The following MAML3 variants were observed in gnomAD, a reference collection of about 807,000 sequenced individuals.
MAML3 encodes mastermind-like protein 3.
In MAML3, 27 loss-of-function variants were observed where a neutral mutation model predicts 101.9. The observed-to-expected ratio is 0.27, with a 90% CI of 0.20 to 0.37. MAML3 has a LOEUF of 0.37. Among genes scored for constraint, MAML3 ranks in the 10% least tolerant of loss-of-function variants. The pLI is 1.00. For missense variants in MAML3, 1,316 were observed against 1,444.9 expected, an observed-to-expected ratio of 0.91 and a Z score of 1.45; for synonymous variants, 501 against 555.9, an observed-to-expected ratio of 0.90 and a Z score of 1.39.
At chr4:140,080,020 C>G (rs188603510) in intron 1 of MAML3, among the ~76,000 whole-genome samples, 2 of 152,170 alleles carry the variant, frequency 1.3e-5, no homozygotes, top group African/African-American at 4.8e-5. Flanking sequence ...GGATTTATTT[C>G]AAATGTATTA....
intron 3 of MAML3, among the ~76,000 whole-genome samples, chr4:139,728,397 A>C (rs903546844): frequency 2.6e-5 from 4 of 152,202 alleles, no homozygotes; most frequent in Non-Finnish European, 5.9e-5. Context: ...AGGCCCCCAC[A>C]TACATGTGTG....
chr4:139,922,161 G>T (rs187543367), intron 1 of MAML3, among the ~76,000 whole-genome samples: 3 of 151,942 alleles, frequency 2.0e-5, no homozygotes, highest in Non-Finnish European at 4.4e-5. Flanking sequence ...TGTCTCCTGC[G>T]TTTGGAAAGA....
chr4:140,122,397 T>C (rs571758473), intron 1 of MAML3, among the ~76,000 whole-genome samples: 116 of 152,062 alleles, frequency 7.6e-4, no homozygotes, highest in African/African-American at 2.6e-3. Flanking sequence ...ACTTTTCATA[T>C]CTTTAATAGA....
intron 2 of MAML3, among the ~76,000 whole-genome samples, chr4:139,851,886 G>T (rs982318618): frequency 1.3e-5 from 2 of 152,162 alleles, no homozygotes; most frequent in Admixed American, 6.5e-5. Flanking sequence ...GAATAGCTGA[G>T]GGATTGCTGA....
chr4:140,134,730 C>A (rs566571863), intron 1 of MAML3, among the ~76,000 whole-genome samples: 32 of 152,310 alleles, frequency 2.1e-4, no homozygotes, highest in Non-Finnish European at 1.5e-4. Context: ...CACCAACCTT[C>A]ATGGGTGTTC....
Position 139,785,745 on chromosome 4 carries a change from T to C in MAML3, c.2080-55078A>G, listed in dbSNP as rs2111084930. 6.6e-6 allele frequency among the ~76,000 whole-genome samples: 1 copy of C among 152,252 alleles called. No homozygotes were observed. The highest frequency in any genetic ancestry group is 2.4e-5 in the African/African-American group (1 of 41,556). ...CTGAGGGTTTTGGGTGGTGGAGCTA[T>C]GCTGTGTTTTAAGAAGAGTCCTTGA... On this transcript the variant is annotated intron_variant, in intron 2 of 4. Coordinates refer to ENST00000509479, the MANE Select transcript of MAML3 (RefSeq NM_018717.5). The surrounding 1 kb of genome is among the most constrained non-coding windows in gnomAD (Gnocchi z 4.3).
At chr4:139,959,801 T>C (rs552796452) in intron 1 of MAML3, among the ~76,000 whole-genome samples, 7 of 152,232 alleles carry the variant, frequency 4.6e-5, no homozygotes, top group Non-Finnish European at 8.8e-5. Context: ...CAAGTATAAA[T>C]ATTCCATTTT....
intron 1 of MAML3, among the ~76,000 whole-genome samples, chr4:140,018,877 G>A (rs1726689495): frequency 6.6e-6 from 1 of 151,810 alleles, no homozygotes; most frequent in Non-Finnish European, 1.5e-5. Context: ...AATTAACACA[G>A]AGCAGTCATA....
chr4:139,735,940 G>A lies in MAML3; in HGVS notation c.2080-5273C>T, dbSNP rs1162805005. Reference sequence around the variant, plus strand: ...GCCGCTCGGGAGCCCGCGAGGCTGCGGTGTGCTCCAGCGGGCGCATTTCCC... The same window carrying A: ...GCCGCTCGGGAGCCCGCGAGGCTGCAGTGTGCTCCAGCGGGCGCATTTCCC... On this transcript the variant is annotated intron_variant, in intron 2 of 4. Coordinates refer to ENST00000509479, the MANE Select transcript of MAML3 (RefSeq NM_018717.5). The surrounding 1 kb of genome is among the most constrained non-coding windows in gnomAD (Gnocchi z 5.8). Among the ~76,000 whole-genome samples the A allele has an allele frequency of 3.3e-5, 5 of 152,132 alleles. No individual in the cohort carries two copies. Among genetic ancestry groups the A allele is most frequent in the Non-Finnish European group, 5.9e-5 (4 of 68,008 alleles).
chr4:139,766,288 C>T (rs1294774571), intron 2 of MAML3, among the ~76,000 whole-genome samples: 1 of 152,140 alleles, frequency 6.6e-6, no homozygotes, highest in Admixed American at 6.5e-5. Context: ...TCTCCTGCCT[C>T]AGCCTCCTGA....
chr4:139,810,685 A>G (rs1057392562), intron 2 of MAML3, among the ~76,000 whole-genome samples: 1 of 152,188 alleles, frequency 6.6e-6, no homozygotes, highest in African/African-American at 2.4e-5. Context: ...ATTCTTCTCT[A>G]CAACTCTATG....
intron 1 of MAML3, among the ~76,000 whole-genome samples, chr4:139,923,494 G>A (rs962461996): frequency 7.9e-5 from 12 of 152,246 alleles, no homozygotes; most frequent in African/African-American, 2.9e-4. Context: ...TCTCAGGCCT[G>A]GAAATATGGA....
At chr4:139,872,369 G>A (rs1288066373) in intron 2 of MAML3, among the ~76,000 whole-genome samples, 1 of 152,166 alleles carries the variant, frequency 6.6e-6, no homozygotes, top group African/African-American at 2.4e-5. Context: ...TATTTGAATG[G>A]GAAATGGAAA....
intron 1 of MAML3, among the ~76,000 whole-genome samples, chr4:140,071,416 T>C (rs1395691229): frequency 6.6e-6 from 1 of 152,150 alleles, no homozygotes; most frequent in Non-Finnish European, 1.5e-5. Context: ...GCTTTTTAAT[T>C]TTACAGCTTT....
intron 1 of MAML3, among the ~76,000 whole-genome samples, chr4:139,934,739 A>T (rs1214776224): frequency 3.9e-5 from 6 of 152,176 alleles, no homozygotes; most frequent in African/African-American, 1.2e-4. Context: ...CTCAACCACT[A>T]AAGTGTTCTT....
chr4:139,853,352 T>C (rs1353416893), intron 2 of MAML3, among the ~76,000 whole-genome samples: 1 of 152,154 alleles, frequency 6.6e-6, no homozygotes, highest in Non-Finnish European at 1.5e-5. Flanking sequence ...ATGTTCCAGG[T>C]AGGGAATAAA....
intron 1 of MAML3, among the ~76,000 whole-genome samples, chr4:140,067,827 A>C (rs1727566883): frequency 6.8e-6 from 1 of 146,274 alleles, no homozygotes; most frequent in Non-Finnish European, 1.5e-5. Flanking sequence ...TCCGCCTTCC[A>C]GGTTCCAGCA....
Position 139,735,968 on chromosome 4 carries a change from G to GC in MAML3, c.2080-5302dup. ...GTGCTCCAGCGGGCGCATTTCCCAG[G>GC]CCCCGCCACATCGTGTGTGTTAGTG... is the stretch of plus-strand genomic sequence containing the variant. On this transcript the variant is annotated intron_variant, in intron 2 of 4. Transcript: ENST00000509479. The surrounding 1 kb of genome is among the most constrained non-coding windows in gnomAD (Gnocchi z 5.8). 6.6e-6 allele frequency among the ~76,000 whole-genome samples: 1 copy of GC among 152,274 alleles called. No homozygotes were observed. Among genetic ancestry groups the GC allele is most frequent in the Middle Eastern group, 3.4e-3 (1 of 294 alleles).
At chr4:140,137,869 CACAA>C (rs1425383099) in intron 1 of MAML3, among the ~76,000 whole-genome samples, 6 of 152,188 alleles carry the variant, frequency 3.9e-5, no homozygotes, top group Non-Finnish European at 8.8e-5. Flanking sequence ...AAACCAGTAA[CACAA>C]ACAACCTGTG....
Sources: allele counts gnomAD v4.1 joint callset (sites outside exome capture counted in the v4.1 genomes callset), GRCh38; gene constraint gnomAD v4.1.1; non-coding constraint Gnocchi (gnomAD v3.1); transcripts MANE v1.5; gene names NCBI Gene and HGNC (gene_info 2026-07-23, HGNC 2026-07-21).